The following TRPM2 variants were observed in gnomAD, a reference collection of about 807,000 sequenced individuals.
The protein encoded by TRPM2 is transient receptor potential cation channel subfamily M member 2, also known as estrogen-responsive element-associated gene 1 protein.
In TRPM2, 161 loss-of-function variants were observed where a neutral mutation model predicts 174.0. The ratio of observed to expected loss-of-function variants is 0.93; its 90% CI spans 0.81 to 1.05. The LOEUF is 1.05. Ranked by LOEUF, TRPM2 falls within the 50% of genes least tolerant of loss-of-function variation. The pLI is 0.00. For missense variants in TRPM2, 2,057 were observed against 2,038.0 expected (o/e 1.01, Z -0.18); for synonymous variants, 954 against 861.3 (o/e 1.11, Z -1.88).
At chr21:44,368,264 C>T (rs1054375773) in intron 4 of TRPM2, among the ~76,000 whole-genome samples, 2 of 152,176 alleles carry the variant, frequency 1.3e-5, no homozygotes, top group South Asian at 2.1e-4. Flanking sequence ...GGACTAGAGG[C>T]GTATGCCACC....
intron 8 of TRPM2, among the ~76,000 whole-genome samples, chr21:44,380,671 T>C (rs946159400): frequency 6.6e-6 from 1 of 152,042 alleles, no homozygotes; most frequent in Non-Finnish European, 1.5e-5. Context: ...TCTCAGAGTG[T>C]CCGTCTACAC....
rs374991008 is a variant in TRPM2, at chr21:44,400,384, T to G, written c.2321+13T>G. The G allele has an allele frequency of 3.7e-6, 6 of 1,602,564 alleles. No homozygotes were observed. The African/African-American group carries it at 4.0e-5, about 11-fold the overall frequency. On this transcript the variant is annotated intron_variant, in intron 15 of 31. Transcript: ENST00000397928. ...TCATCTCCTTCAGGTGCTGCAGGGC[T>G]GCGGGGCTGCGGGACTGTGGGGCTG... is the stretch of plus-strand genomic sequence containing the variant.
chr21:44,358,794 G>C (rs2048126945), intron 2 of TRPM2, among the ~76,000 whole-genome samples: 1 of 152,186 alleles, frequency 6.6e-6, no homozygotes, highest in African/African-American at 2.4e-5. Context: ...TCCGGAGTTG[G>C]TTCCTTCCCG....
rs143143081 is a variant in TRPM2 at position 44,381,773 on chromosome 21, G to C, written c.1216-945G>C. ...AATACAAACATTATCCAGGCATGGT[G>C]GTGGGTGCCTGTAATCCCAGCTACT... On this transcript the variant is annotated intron_variant, in intron 8 of 31. Coordinates refer to ENST00000397928, the MANE Select transcript of TRPM2 (RefSeq NM_003307.4). Among the ~76,000 whole-genome samples, 45 of 152,252 alleles carry C rather than the reference G, an allele frequency of 3.0e-4. No homozygotes were observed. In the East Asian group the frequency reaches 5.2e-3, roughly 18 times the overall value.
At position 44,395,443 on chromosome 21, in the gene TRPM2, C is replaced by T. The variant is rs1291557227; in HGVS notation, c.1824C>T (p.Tyr608=). Residue 608 remains tyrosine, a synonymous_variant, in exon 12 of 32, where the codon TAC becomes TAT. Transcript: ENST00000397928. The part of the protein sequence containing the change: ...NVQGVSLRSL[Y]KRSSGHVTFT... ...AGGGAGTGAGCCTCCGGTCCCTCTA[C>T]AAGCGTTCCTCAGGCCATGTGACCT... is the stretch of plus-strand genomic sequence containing the variant. The T allele has an allele frequency of 6.2e-7, 1 of 1,612,910 alleles. No individual in the cohort carries two copies. Among genetic ancestry groups the T allele is most frequent in the Non-Finnish European group, 8.5e-7 (1 of 1,179,964 alleles).
At chr21:44,392,644 T>A (rs1602202489) in intron 11 of TRPM2, among the ~76,000 whole-genome samples, 1 of 152,050 alleles carries the variant, frequency 6.6e-6, no homozygotes, top group Non-Finnish European at 1.5e-5. Flanking sequence ...TTAATTACCT[T>A]CTTAAAGGCC....
chr21:44,383,518 G>A (rs572447061), intron 9 of TRPM2, among the ~76,000 whole-genome samples: 38 of 152,292 alleles, frequency 2.5e-4, no homozygotes, highest in African/African-American at 8.9e-4. Context: ...CTTTCATCTT[G>A]TTTCTGTGTT....
intron 19 of TRPM2, among the ~76,000 whole-genome samples, chr21:44,411,806 G>A (rs1050302232): frequency 6.6e-6 from 1 of 152,302 alleles, no homozygotes; most frequent in Middle Eastern, 3.4e-3. Flanking sequence ...TATTGTGAAG[G>A]AGTGGTAGAC....
chr21:44,376,147 G>A lies in TRPM2; in HGVS notation c.952+134G>A. 9.2e-7 allele frequency: 1 copy of A among 1,087,984 alleles called. No individual in the cohort carries two copies. Among genetic ancestry groups the A allele is most frequent in the Admixed American group, 2.6e-5 (1 of 38,276 alleles). The allele number at this position is 1,087,984 out of a possible 1,614,324, so 67.4% of individuals were successfully genotyped here. On this transcript the variant is annotated intron_variant, in intron 6 of 31. Coordinates refer to ENST00000397928, the MANE Select transcript of TRPM2 (RefSeq NM_003307.4). The surrounding 1 kb of genome is among the most constrained non-coding windows in gnomAD (Gnocchi z 4.2). The stretch of plus-strand genomic sequence containing the variant: ...CAGAGAGTGCAGTGGGCTGGTCAGA[G>A]TGTCAGGTACAGCTGGTCACAGGTC...
At chr21:44,411,022 C>T (rs1397174298) in intron 19 of TRPM2, among the ~76,000 whole-genome samples, 1 of 151,638 alleles carries the variant, frequency 6.6e-6, no homozygotes, top group Non-Finnish European at 1.5e-5. Flanking sequence ...TTTGACCGCA[C>T]TGTCTTGGTT....
At chr21:44,425,567 C>T in intron 24 of TRPM2, 103 bp from the exon 25 acceptor site, 17 of 1,345,298 alleles carry the variant, frequency 1.3e-5, no homozygotes, top group Non-Finnish European at 1.7e-5. Flanking sequence ...GGTGGAGGAG[C>T]CCAGATGTTT....
In TRPM2 at chr21:44,406,720, C is replaced by A; in HGVS notation, c.2917C>A (p.His973Asn). The A allele has an allele frequency of 6.2e-7, 1 of 1,608,382 alleles. No homozygotes were observed. Residue 973 changes from histidine to asparagine, a missense_variant, in exon 19 of 32, where the codon CAC becomes AAC. Physicochemically the swap from His to Asn is moderately conservative, Grantham distance 68. Coordinates refer to ENST00000397928, the MANE Select transcript of TRPM2 (RefSeq NM_003307.4). The stretch of plus-strand genomic sequence containing the variant: ...CTGGCTGTTCCGAGGGGCCGTCTAC[C>A]ACTCCTACCTCACCATCTTCGGGCA... Reference protein sequence around the residue: ...VDWLFRGAVYHSYLTIFGQIP... With the variant: ...VDWLFRGAVYNSYLTIFGQIP...
At position 44,391,524 on chromosome 21, in the gene TRPM2, C is replaced by T. The variant is rs1276408500; in HGVS notation, c.1693C>T (p.Leu565=). Residue 565 remains leucine (L), a synonymous_variant, in exon 11 of 32, where the codon CTG becomes TTG. Coordinates refer to ENST00000397928, the MANE Select transcript of TRPM2 (RefSeq NM_003307.4). This position sits in a 1 kb window ranked among gnomAD's most constrained non-coding sequence, Gnocchi z 5.0. ...RLQMHHVAQV[L]RELLGDFTQP... ...GCAGATGCACCACGTGGCCCAGGTG[C>T]TGCGGGAGCTGCTGGGGGACTTCAC... 2 of 1,606,892 alleles carry T rather than the reference C, an allele frequency of 1.2e-6. No individual in the cohort carries two copies. The highest frequency in any genetic ancestry group is 1.3e-5 in the African/African-American group (1 of 74,976).
chr21:44,402,740 C>T (rs1335420617), intron 16 of TRPM2, among the ~76,000 whole-genome samples: 1 of 152,150 alleles, frequency 6.6e-6, no homozygotes, highest in Non-Finnish European at 1.5e-5. Context: ...GGGGCGAATC[C>T]CTTACTGTGT....
intron 15 of TRPM2, 122 bp from the exon 16 acceptor site, chr21:44,401,559 C>A: frequency 2.0e-6 from 2 of 985,850 alleles, no homozygotes; most frequent in East Asian, 2.5e-5. Context: ...TCCCTGAGTG[C>A]TTTTGCCTCT....
chr21:44,405,296 G>A lies in TRPM2; in HGVS notation c.2657+36G>A, dbSNP rs531977690. On this transcript the variant is annotated intron_variant, in intron 17 of 31. Coordinates refer to ENST00000397928, the MANE Select transcript of TRPM2 (RefSeq NM_003307.4). ...TCACCCCGATGGCGGGCCCGTCTGAGGCAGCCAGCCCTGCAGGGGATGAGC... is the reference window on the plus strand; with the variant it reads ...TCACCCCGATGGCGGGCCCGTCTGAAGCAGCCAGCCCTGCAGGGGATGAGC... The A allele has an allele frequency of 1.4e-5, 22 of 1,609,164 alleles. 1 individual carries two copies. In the South Asian group the frequency reaches 2.4e-4, roughly 18 times the overall value.
chr21:44,419,569 G>A (rs200689775), intron 22 of TRPM2, among the ~76,000 whole-genome samples: 13 of 150,530 alleles, frequency 8.6e-5, no homozygotes, highest in African/African-American at 1.5e-4. Flanking sequence ...TGATGGTGGT[G>A]GTGGTGATGG....
rs2048787828 is a variant in TRPM2 at position 44,378,900 on chromosome 21, G to A, written c.1015-97G>A. ...GTGGATCTCGGAGTAGTGTTAGCCA[G>A]CTCTGCCCTTAGCTGGCCTTGGAGA... On this transcript the variant is annotated intron_variant, in intron 7 of 31. Transcript: ENST00000397928. 3.7e-6 allele frequency: 5 copies of A among 1,342,068 alleles called. No homozygotes were observed. In the African/African-American group the frequency reaches 5.8e-5, roughly 15 times the overall value. The allele number at this position is 1,342,068 out of a possible 1,614,324, so 83.1% of individuals were successfully genotyped here.
intron 11 of TRPM2, among the ~76,000 whole-genome samples, chr21:44,394,875 A>G (rs2049293048): frequency 6.6e-6 from 1 of 152,160 alleles, no homozygotes; most frequent in South Asian, 2.1e-4. Flanking sequence ...AGCGTTTCCC[A>G]GCTACCTGAG....
Sources: gnomAD v4.1 joint callset for allele counts (sites outside exome capture counted in the v4.1 genomes callset) on GRCh38, gnomAD v4.1.1 for gene constraint, Gnocchi (gnomAD v3.1) non-coding constraint, MANE v1.5 for transcripts, NCBI Gene and HGNC (gene_info 2026-07-23, HGNC 2026-07-21) for gene names.